Variants in XXYLT1 observed in about 807,000 individuals in gnomAD.
The protein encoded by XXYLT1 is UDP-xylose:alpha-xyloside alpha-1,3-xylosyltransferase.
Under a neutral mutation model 28.9 loss-of-function variants are expected in XXYLT1, and 20 were observed. The observed-to-expected ratio is 0.69, with a 90% CI of 0.49 to 1.00. XXYLT1 has a LOEUF of 1.00. Ranked by LOEUF, XXYLT1 falls within the 50% of genes least tolerant of loss-of-function variation. XXYLT1 has a pLI of 0.00. For missense variants in XXYLT1, 542 were observed against 560.1 expected, an observed-to-expected ratio of 0.97 and a Z score of 0.33; for synonymous variants, 257 against 253.8, an observed-to-expected ratio of 1.01 and a Z score of -0.12.
At chr3:195,146,470 C>T (rs186676708) in intron 3 of XXYLT1, among the ~76,000 whole-genome samples, 6 of 152,350 alleles carry the variant, frequency 3.9e-5, no homozygotes, top group Non-Finnish European at 5.9e-5. Context: ...AGACCCACGT[C>T]CCACTGCAAG....
In XXYLT1 at chr3:195,128,396, C is replaced by T. The variant is rs1460083306; in HGVS notation, c.785+28053G>A. Among the ~76,000 whole-genome samples, 5 of 152,138 alleles carry T rather than the reference C, an allele frequency of 3.3e-5. No homozygotes were observed. In the East Asian group the frequency reaches 9.6e-4, roughly 29 times the overall value. Reference sequence around the variant, plus strand: ...TCTCAGCCCCAGGTATTCATGTTTTCACTCCTCTCCAATCTAATCTCCACC... The same window carrying T: ...TCTCAGCCCCAGGTATTCATGTTTTTACTCCTCTCCAATCTAATCTCCACC... On this transcript the variant is annotated intron_variant, in intron 3 of 3. Transcript: ENST00000310380.
intron 2 of XXYLT1, among the ~76,000 whole-genome samples, chr3:195,224,919 T>C (rs541907254): frequency 7.2e-5 from 11 of 152,342 alleles, no homozygotes; most frequent in African/African-American, 2.6e-4. Context: ...CACCTCCATC[T>C]GTCTGCCCTC....
Position 195,264,058 on chromosome 3 carries a change from G to A in XXYLT1, c.504+6497C>T, listed in dbSNP as rs1175593279. Among the ~76,000 whole-genome samples the A allele has an allele frequency of 2.0e-5, 3 of 152,284 alleles. No homozygotes were observed. In the South Asian group the frequency reaches 6.2e-4, roughly 32 times the overall value. On this transcript the variant is annotated intron_variant, in intron 1 of 3. Transcript: ENST00000310380. ...TGCACACTAACTCCTCCTTAAGGCA[G>A]GAGGATCTATGTATGCAGAACCTGC...
At chr3:195,258,890 T>C (rs1725576493) in intron 1 of XXYLT1, among the ~76,000 whole-genome samples, 1 of 152,246 alleles carries the variant, frequency 6.6e-6, no homozygotes, top group South Asian at 2.1e-4. Flanking sequence ...GAAATAAACC[T>C]GGCCAGAAAG....
chr3:195,212,255 G>T (rs1723352694), intron 2 of XXYLT1, among the ~76,000 whole-genome samples: 1 of 152,196 alleles, frequency 6.6e-6, no homozygotes, highest in African/African-American at 2.4e-5. Flanking sequence ...CACAGTGCAG[G>T]CTGAAGCCAG....
intron 3 of XXYLT1, among the ~76,000 whole-genome samples, chr3:195,142,897 C>T (rs986091904): frequency 6.6e-6 from 1 of 152,230 alleles, no homozygotes; most frequent in Non-Finnish European, 1.5e-5. Flanking sequence ...TCCCTCCATT[C>T]CTCCCTGGCC....
At chr3:195,104,423 C>T (rs1716978051) in intron 3 of XXYLT1, among the ~76,000 whole-genome samples, 1 of 152,116 alleles carries the variant, frequency 6.6e-6, no homozygotes, top group Admixed American at 6.5e-5. Flanking sequence ...GGCAGCAGTG[C>T]CCAGGTGAGC....
At position 195,078,484 on chromosome 3, in the gene XXYLT1, G is replaced by A. The variant is rs1715249468; in HGVS notation, c.786-8373C>T. On this transcript the variant is annotated intron_variant, in intron 3 of 3. Transcript: ENST00000310380. The surrounding 1 kb of genome is among the most constrained non-coding windows in gnomAD (Gnocchi z 5.0). ...TGCCTCCTCCAGCCTCTCGTGCCCT[G>A]GCCCTCTGGGCACGAGATGTGTCCC... Among the ~76,000 whole-genome samples, 1 of 151,964 alleles carries A rather than the reference G, an allele frequency of 6.6e-6. No homozygotes were observed. Among genetic ancestry groups the A allele is most frequent in the Non-Finnish European group, 1.5e-5 (1 of 67,980 alleles).
At chr3:195,109,602 G>GT (rs767131363) in intron 3 of XXYLT1, among the ~76,000 whole-genome samples, 6 of 76,548 alleles carry the variant, frequency 7.8e-5, no homozygotes, top group Non-Finnish European at 1.5e-4. Context: ...ACGTGTGTGT[G>GT]GTGTGTGTTG....
intron 1 of XXYLT1, among the ~76,000 whole-genome samples, chr3:195,233,381 T>G (rs1724385865): frequency 6.6e-6 from 1 of 152,200 alleles, no homozygotes; most frequent in Non-Finnish European, 1.5e-5. Flanking sequence ...TTATTATTGA[T>G]TAAGTAAGGA....
At chr3:195,252,881 C>T (rs1428554480) in intron 1 of XXYLT1, among the ~76,000 whole-genome samples, 2 of 152,064 alleles carry the variant, frequency 1.3e-5, no homozygotes, top group Non-Finnish European at 2.9e-5. Context: ...GCAGGGGCGG[C>T]GAGGCGGGGA....
intron 1 of XXYLT1, among the ~76,000 whole-genome samples, chr3:195,262,025 C>A (rs992235631): frequency 3.3e-5 from 5 of 152,200 alleles, no homozygotes; most frequent in African/African-American, 4.8e-5. Context: ...AACATATGTC[C>A]ACACAAAAAC....
At chr3:195,100,799 C>G (rs919915262) in intron 3 of XXYLT1, among the ~76,000 whole-genome samples, 1 of 152,244 alleles carries the variant, frequency 6.6e-6, no homozygotes, top group East Asian at 1.9e-4. Context: ...GGGGTTTATA[C>G]TGATCCTACA....
intron 3 of XXYLT1, among the ~76,000 whole-genome samples, chr3:195,130,564 A>G: frequency 8.3e-6 from 1 of 120,370 alleles, no homozygotes; most frequent in East Asian, 2.4e-4. Flanking sequence ...TAGATCAGGG[A>G]AAGGGTTCAT....
intron 3 of XXYLT1, among the ~76,000 whole-genome samples, chr3:195,142,691 G>A (rs1456927246): frequency 3.3e-5 from 5 of 152,236 alleles, no homozygotes; most frequent in Admixed American, 6.5e-5. Context: ...CAATGGCACC[G>A]CCGAGCAGGC....
chr3:195,074,003 A>T (rs1332736162), intron 3 of XXYLT1, among the ~76,000 whole-genome samples: 1 of 152,130 alleles, frequency 6.6e-6, no homozygotes, highest in African/African-American at 2.4e-5. Context: ...TCCCCAGTAA[A>T]GGGCACACGT....
intron 1 of XXYLT1, among the ~76,000 whole-genome samples, chr3:195,261,234 C>G (rs1453998401): frequency 1.3e-5 from 2 of 151,978 alleles, no homozygotes; most frequent in Non-Finnish European, 2.9e-5. Flanking sequence ...GGAGTTCGAG[C>G]CCAGCCTGGC....
At position 195,257,959 on chromosome 3, in the gene XXYLT1, G is replaced by A. The variant is rs1378649822; in HGVS notation, c.504+12596C>T. ...CGGCACACCCACAATCCTCGACCCT[G>A]TGTCTTCCTACCCCCTAGACAGCAG... On this transcript the variant is annotated intron_variant, in intron 1 of 3. Transcript: ENST00000310380. The surrounding 1 kb of genome is among the most constrained non-coding windows in gnomAD (Gnocchi z 4.3). 1.3e-5 allele frequency among the ~76,000 whole-genome samples: 2 copies of A among 152,108 alleles called. No homozygotes were observed. Among genetic ancestry groups the A allele is most frequent in the African/African-American group, 4.8e-5 (2 of 41,400 alleles).
chr3:195,163,122 A>AC (rs1326979039), intron 2 of XXYLT1, among the ~76,000 whole-genome samples: 2 of 151,814 alleles, frequency 1.3e-5, no homozygotes, highest in Admixed American at 1.3e-4. Context: ...TTTTTCAGAG[A>AC]CCCCTGGGGG....
Sources: allele counts gnomAD v4.1 joint callset (sites outside exome capture counted in the v4.1 genomes callset), GRCh38; gene constraint gnomAD v4.1.1; non-coding constraint Gnocchi (gnomAD v3.1); transcripts MANE v1.5; gene names NCBI Gene and HGNC (gene_info 2026-07-23, HGNC 2026-07-21).